CUX1: variants seen among roughly 807,000 people sequenced by gnomAD.
CUX1 encodes the protein cut like homeobox 1.
CUX1 carries 31 observed loss-of-function variants against 158.8 expected under a neutral mutation model. The ratio of observed to expected loss-of-function variants is 0.20; its 90% CI spans 0.15 to 0.26. The LOEUF (loss-of-function observed/expected upper bound fraction) is 0.26, where lower values mean the gene tolerates loss of function less well. Ranked by LOEUF, CUX1 falls within the 10% of genes least tolerant of loss-of-function variation. CUX1 has a pLI of 1.00. For synonymous variants in CUX1, 879 were observed against 862.1 expected (o/e 1.02, Z -0.34); for missense variants, 1,589 against 2,014.6 (o/e 0.79, Z 4.04).
At chr7:102,280,994 A>G (rs1792026098) in intron 20 of CUX1, 4 of 758,468 alleles carry the variant, frequency 5.3e-6, no homozygotes, top group Non-Finnish European at 2.2e-6. Flanking sequence ...GATCTGGGAC[A>G]GGGTCTCTCC....
intron 1 of CUX1, among the ~76,000 whole-genome samples, chr7:101,841,008 C>G (rs966122056): frequency 6.6e-6 from 1 of 152,002 alleles, no homozygotes; most frequent in Non-Finnish European, 1.5e-5. Context: ...ATTTTCCTGC[C>G]TTAGCCTCTC....
intron 6 of CUX1, 39 bp from the exon 7 acceptor site, chr7:102,111,659 A>G: frequency 1.9e-6 from 3 of 1,592,658 alleles, no homozygotes; most frequent in Non-Finnish European, 2.6e-6. Flanking sequence ...CAGTTGGTAA[A>G]GGAGATGACC....
chr7:102,180,973 G>A (rs530098995), intron 11 of CUX1, among the ~76,000 whole-genome samples: 4 of 148,886 alleles, frequency 2.7e-5, no homozygotes, highest in South Asian at 2.1e-4. Flanking sequence ...ACGGAATTTC[G>A]TTCTGTTGCC....
intron 1 of CUX1, among the ~76,000 whole-genome samples, chr7:101,913,918 G>A (rs1337853684): frequency 2.0e-5 from 3 of 151,684 alleles, no homozygotes; most frequent in Non-Finnish European, 2.9e-5. Context: ...TTATAACTTC[G>A]GCTGCTGCTG....
chr7:101,817,177 A>C (rs67759956), upstream of CUX1: 565,780 of 983,486 alleles, frequency 0.58, 163,719 homozygotes, highest in African/African-American at 0.73. The surrounding 1 kb of genome is among the most constrained non-coding windows in gnomAD (Gnocchi z 4.1). Flanking sequence ...GCAGGCCCCA[A>C]GCTGTTCCCC....
intron 3 of CUX1, among the ~76,000 whole-genome samples, chr7:102,067,495 C>G (rs1183275257): frequency 2.0e-5 from 3 of 151,208 alleles, no homozygotes; most frequent in Non-Finnish European, 2.9e-5. Context: ...CTCGGCCTCC[C>G]AAAGTGCTGG....
At chr7:102,113,234 T>A (rs570020536) in intron 7 of CUX1, among the ~76,000 whole-genome samples, 41 of 152,304 alleles carry the variant, frequency 2.7e-4, no homozygotes, top group Middle Eastern at 3.4e-3. Flanking sequence ...CAGCATTTTT[T>A]AATTATTTAT....
chr7:102,180,648 T>A (rs1203886517), intron 11 of CUX1, among the ~76,000 whole-genome samples: 2 of 145,928 alleles, frequency 1.4e-5, no homozygotes, highest in Non-Finnish European at 3.0e-5. Flanking sequence ...TTTTTTTTTT[T>A]AATTGAAATT....
At chr7:101,981,559 A>AT (rs929132316) in intron 2 of CUX1, among the ~76,000 whole-genome samples, 1 of 151,918 alleles carries the variant, frequency 6.6e-6, no homozygotes, top group African/African-American at 2.4e-5. Flanking sequence ...TATCCCAGGC[A>AT]TTCCCCAGTG....
At chr7:102,023,495 A>G (rs774949382) in intron 2 of CUX1, among the ~76,000 whole-genome samples, 9 of 152,112 alleles carry the variant, frequency 5.9e-5, no homozygotes, top group Non-Finnish European at 1.0e-4. Flanking sequence ...TTTGAGACAG[A>G]GTCTCTCTCT....
chr7:102,257,398 G>A lies in CUX1; in HGVS notation c.*8356G>A, dbSNP rs1377451679. On this transcript the variant is annotated 3_prime_UTR_variant, in exon 24 of 24. Transcript: ENST00000292535. ...TCCCTTGAGAAAACGGGCATCTCAC[G>A]TACCCCCATCTGAGACCTCTTGGAA... 13 of 982,972 alleles carry A rather than the reference G, an allele frequency of 1.3e-5. No individual in the cohort carries two copies. Among genetic ancestry groups the A allele is most frequent in the South Asian group, 4.7e-5 (1 of 21,226 alleles). The allele number at this position is 982,972 out of a possible 1,614,324, so 60.9% of individuals were successfully genotyped here.
intron 4 of CUX1, among the ~76,000 whole-genome samples, chr7:102,080,028 C>T (rs1563214519): frequency 6.6e-6 from 1 of 152,228 alleles, no homozygotes; most frequent in African/African-American, 2.4e-5. Flanking sequence ...ATGTAGGACA[C>T]TGTATGTTTG....
intron 9 of CUX1, among the ~76,000 whole-genome samples, chr7:102,161,908 G>A (rs1030576267): frequency 1.6e-4 from 24 of 152,046 alleles, no homozygotes; most frequent in South Asian, 2.1e-4. Context: ...GCGCCCAGCC[G>A]GAAATTCCAT....
downstream of CUX1, among the ~76,000 whole-genome samples, chr7:102,259,293 A>G (rs1445021394): frequency 6.6e-6 from 1 of 152,214 alleles, no homozygotes; most frequent in Non-Finnish European, 1.5e-5. Context: ...GCCTGCATAA[A>G]ACCCTAAGAG....
intron 8 of CUX1, among the ~76,000 whole-genome samples, chr7:102,129,239 A>G (rs150186133): frequency 1.2e-4 from 19 of 152,338 alleles, no homozygotes; most frequent in African/African-American, 4.6e-4. Context: ...ACCCAGGTGT[A>G]AAGCTTTGTT....
chr7:101,993,331 A>AAAATAAAT (rs36140974), intron 2 of CUX1, among the ~76,000 whole-genome samples: 3 of 151,178 alleles, frequency 2.0e-5, no homozygotes, highest in Non-Finnish European at 2.9e-5. Flanking sequence ...CTCCGTCTCA[A>AAAATAAAT]AAATAAATAA....
intron 3 of CUX1, among the ~76,000 whole-genome samples, chr7:102,045,893 G>A (rs1347744443): frequency 5.9e-5 from 9 of 152,214 alleles, no homozygotes; most frequent in African/African-American, 1.9e-4. Context: ...GGACCCAGCT[G>A]CGTACATGGC....
chr7:102,192,423 C>A (rs1172690157), intron 12 of CUX1, among the ~76,000 whole-genome samples: 1 of 152,082 alleles, frequency 6.6e-6, no homozygotes, highest in African/African-American at 2.4e-5. Flanking sequence ...CGGCAACAAG[C>A]GGATAGCAGG....
chr7:101,907,289 C>G (rs1371159838), intron 1 of CUX1, among the ~76,000 whole-genome samples: 2 of 152,078 alleles, frequency 1.3e-5, no homozygotes, highest in African/African-American at 4.8e-5. Flanking sequence ...CTTTGTCAGC[C>G]CTTCAAAGCC....
Sources: allele counts gnomAD v4.1 joint callset (sites outside exome capture counted in the v4.1 genomes callset), GRCh38; gene constraint gnomAD v4.1.1; non-coding constraint Gnocchi (gnomAD v3.1); transcripts MANE v1.5; gene names NCBI Gene and HGNC (gene_info 2026-07-23, HGNC 2026-07-21).